ZC3H12B: variants seen among roughly 807,000 people sequenced by gnomAD.
The protein encoded by ZC3H12B is probable ribonuclease ZC3H12B.
In ZC3H12B, 7 loss-of-function variants were observed where a neutral mutation model predicts 43.9. The ratio of observed to expected loss-of-function variants is 0.16; its 90% CI spans 0.09 to 0.30. ZC3H12B has a LOEUF of 0.30. Ranked by LOEUF, ZC3H12B falls within the 10% of genes least tolerant of loss-of-function variation. ZC3H12B has a pLI of 1.00. For missense variants in ZC3H12B, 475 were observed against 670.2 expected (o/e 0.71, Z 3.22); for synonymous variants, 222 against 241.7 (o/e 0.92, Z 0.76).
At chrX:65,400,014 T>C (rs906130195) in intron 3 of ZC3H12B, among the ~76,000 whole-genome samples, 1 of 109,575 alleles carries the variant, frequency 9.1e-6, no homozygotes. Context: ...AGTAGAAGAG[T>C]AGGTACAAGA....
chrX:65,042,046 A>G, the ZC3H12B span, among the ~76,000 whole-genome samples: 1 of 112,015 alleles, frequency 8.9e-6, no homozygotes, highest in Non-Finnish European at 1.9e-5. Flanking sequence ...ACACTCTTTT[A>G]AGAAGGGAAA....
intron 2 of ZC3H12B, among the ~76,000 whole-genome samples, chrX:65,372,904 G>C (rs778621555): frequency 8.9e-6 from 1 of 112,138 alleles, no homozygotes; most frequent in Admixed American, 9.4e-5. Context: ...AAAATAGCAT[G>C]TCAGTAGTAA....
intron 2 of ZC3H12B, among the ~76,000 whole-genome samples, chrX:65,374,406 T>G (rs1390015397): frequency 2.9e-5 from 3 of 102,920 alleles, no homozygotes; most frequent in Admixed American, 1.1e-4. Flanking sequence ...CTTGCAAATA[T>G]ACCTCCTGAA....
At chrX:65,349,324 C>T in the ZC3H12B span, among the ~76,000 whole-genome samples, 1 of 111,585 alleles carries the variant, frequency 9.0e-6, no homozygotes, top group Non-Finnish European at 1.9e-5. Context: ...CCAATGAGAA[C>T]GAAGACACAG....
At chrX:65,170,100 C>T in the ZC3H12B span, among the ~76,000 whole-genome samples, 1 of 111,670 alleles carries the variant, frequency 9.0e-6, no homozygotes, top group East Asian at 2.8e-4. Flanking sequence ...TTATTTTGCT[C>T]GTTAGTTGCT....
At chrX:65,191,564 T>C in the ZC3H12B span, among the ~76,000 whole-genome samples, 1 of 103,554 alleles carries the variant, frequency 9.7e-6, no homozygotes, top group Admixed American at 9.8e-5. Flanking sequence ...CCATTTCTTC[T>C]AGATTTTCTA....
chrX:65,251,259 G>C, the ZC3H12B span, among the ~76,000 whole-genome samples: 209 of 111,166 alleles, frequency 1.9e-3, no homozygotes, highest in Non-Finnish European at 3.1e-3. Flanking sequence ...GATGTGTGGC[G>C]TTATTTCTGA....
the ZC3H12B span, among the ~76,000 whole-genome samples, chrX:65,118,806 C>A: frequency 1.2e-5 from 1 of 80,271 alleles, no homozygotes; most frequent in African/African-American, 4.6e-5. Flanking sequence ...CCCCACCCCC[C>A]ACCCCACAAC....
At chrX:65,118,565 G>T in the ZC3H12B span, among the ~76,000 whole-genome samples, 1 of 111,055 alleles carries the variant, frequency 9.0e-6, no homozygotes, top group East Asian at 2.8e-4. Context: ...TCTTTCTCCT[G>T]CCTGATTGCC....
chrX:65,219,505 G>T, the ZC3H12B span, among the ~76,000 whole-genome samples: 1 of 111,243 alleles, frequency 9.0e-6, no homozygotes, highest in Non-Finnish European at 1.9e-5. Context: ...AGAGAATTGT[G>T]AAATGCACTG....
the ZC3H12B span, chrX:65,270,843 G>A: frequency 6.3e-5 from 7 of 111,163 alleles, no homozygotes; most frequent in Non-Finnish European, 1.1e-4. Context: ...TCCTTTCCAA[G>A]CCCATGAAGA....
At chrX:65,373,159 A>T (rs1340500435) in intron 2 of ZC3H12B, among the ~76,000 whole-genome samples, 1 of 112,548 alleles carries the variant, frequency 8.9e-6, no homozygotes, top group Non-Finnish European at 1.9e-5. Context: ...AAGAGATAGC[A>T]TATGTAAAAC....
At chrX:65,491,713 AAAT>A (rs1341389751) in intron 1 of ZC3H12B, among the ~76,000 whole-genome samples, 57 of 87,351 alleles carry the variant, frequency 6.5e-4, no homozygotes, top group African/African-American at 4.7e-3. Context: ...TTTAAAAAAA[AAAT>A]ATATATATAT....
At chrX:65,433,628 C>T (rs771255125) in intron 3 of ZC3H12B, among the ~76,000 whole-genome samples, 2 of 111,840 alleles carry the variant, frequency 1.8e-5, no homozygotes, top group South Asian at 7.4e-4. Flanking sequence ...ATTTTAGTCT[C>T]CTAGAATTAG....
the ZC3H12B span, among the ~76,000 whole-genome samples, chrX:65,104,584 C>G: frequency 6.1e-4 from 68 of 111,801 alleles, no homozygotes; most frequent in Non-Finnish European, 1.2e-3. Context: ...ACCCATCAAA[C>G]AGTGGATGAA....
chrX:65,293,728 T>C, the ZC3H12B span, among the ~76,000 whole-genome samples: 1 of 109,887 alleles, frequency 9.1e-6, no homozygotes, highest in Non-Finnish European at 1.9e-5. Context: ...GTCTCAGCAA[T>C]AGAATCAAAC....
the ZC3H12B span, among the ~76,000 whole-genome samples, chrX:65,134,742 C>A: frequency 3.6e-5 from 4 of 111,437 alleles, no homozygotes; most frequent in Non-Finnish European, 7.5e-5. Context: ...AAGAGACCAC[C>A]AAACAGGCTT....
intron 3 of ZC3H12B, chrX:65,469,560 G>A (rs1006004502): frequency 4.8e-5 from 13 of 270,924 alleles, no homozygotes; most frequent in Non-Finnish European, 7.6e-5. Flanking sequence ...ACACCATCTC[G>A]CCCATTGATG....
Position 65,408,325 on chromosome X carries a change from C to T in ZC3H12B, n.407+9621C>T, listed in dbSNP as rs1002455805. 16 of 1,198,506 alleles carry T rather than the reference C, an allele frequency of 1.3e-5. No individual in the cohort carries two copies. The South Asian group carries it at 2.7e-4, about 20-fold the overall frequency. On this transcript the variant is annotated intron_variant and non_coding_transcript_variant, in intron 3 of 5. Coordinates refer to the ZC3H12B transcript ENST00000617377. ...TTGAAATGCACAAACAGACTGAAAT[C>T]GCCAAGAGATTGAATACGATTTGTG...
Sources: allele counts gnomAD v4.1 joint callset (sites outside exome capture counted in the v4.1 genomes callset), GRCh38; gene constraint gnomAD v4.1.1; transcripts MANE v1.5; gene names NCBI Gene and HGNC (gene_info 2026-07-23, HGNC 2026-07-21).